The following IL20RB variants were observed in gnomAD, a reference collection of about 807,000 sequenced individuals.
IL20RB encodes the protein interleukin 20 receptor subunit beta.
A neutral mutation model predicts 33.3 loss-of-function variants in IL20RB; 21 were observed. The ratio of observed to expected loss-of-function variants is 0.63; its 90% CI spans 0.45 to 0.91. The LOEUF (loss-of-function observed/expected upper bound fraction) is 0.91, where lower values mean the gene tolerates loss of function less well. Ranked by LOEUF, IL20RB falls within the 40% of genes least tolerant of loss-of-function variation. IL20RB has a pLI of 0.00. For synonymous variants in IL20RB, 147 were observed against 146.8 expected, an observed-to-expected ratio of 1.00 and a Z score of -0.01; for missense variants, 345 against 384.8, an observed-to-expected ratio of 0.90 and a Z score of 0.86.
intron 6 of IL20RB, 33 bp downstream of exon 6, chr3:136,995,589 A>G (rs979283817): frequency 1.2e-6 from 2 of 1,608,710 alleles, no homozygotes; most frequent in East Asian, 2.2e-5. Flanking sequence ...CTTTCAGTAT[A>G]ACACTGACCA....
intron 1 of IL20RB, among the ~76,000 whole-genome samples, chr3:136,978,310 T>C (rs1941679253): frequency 6.6e-6 from 1 of 151,048 alleles, no homozygotes. Flanking sequence ...GGATTACAGG[T>C]GAGTGCCACC....
intron 1 of IL20RB, among the ~76,000 whole-genome samples, chr3:136,970,171 C>T (rs947034333): frequency 2.6e-5 from 4 of 151,870 alleles, no homozygotes; most frequent in Admixed American, 6.6e-5. Flanking sequence ...CAGCTCACTG[C>T]GGTCTCAACC....
chr3:137,004,549 G>C (rs2107722801), intron 6 of IL20RB, among the ~76,000 whole-genome samples: 1 of 152,278 alleles, frequency 6.6e-6, no homozygotes, highest in Non-Finnish European at 1.5e-5. Flanking sequence ...TAGTTTATTT[G>C]CGTAGAGGTG....
At chr3:136,961,267 G>C (rs900174100) in intron 1 of IL20RB, among the ~76,000 whole-genome samples, 1 of 152,156 alleles carries the variant, frequency 6.6e-6, no homozygotes, top group Admixed American at 6.5e-5. Context: ...GGGAGCCTAA[G>C]AGCCTGCTGG....
At chr3:137,004,178 G>A (rs890359917) in intron 6 of IL20RB, among the ~76,000 whole-genome samples, 2 of 152,136 alleles carry the variant, frequency 1.3e-5, no homozygotes, top group Non-Finnish European at 1.5e-5. Flanking sequence ...ATTTTATTGA[G>A]AATTTTTGCA....
rs1933090110 is a variant in IL20RB, at chr3:137,011,049, A to T, written c.*826A>T. 1 of 152,082 alleles carries T rather than the reference A, an allele frequency of 6.6e-6. No homozygotes were observed. Among genetic ancestry groups the T allele is most frequent in the Admixed American group, 6.5e-5 (1 of 15,272 alleles). The allele number at this position is 152,082 out of a possible 1,614,324, so 9.4% of individuals were successfully genotyped here. ...GTTGGTAAAGTACAGAATTCAGCAA[A>T]TAAAAAGGGCCACCCTGGCCAAAAG... On this transcript the variant is annotated 3_prime_UTR_variant, in exon 7 of 7. Coordinates refer to ENST00000329582, the MANE Select transcript of IL20RB (RefSeq NM_144717.4).
intron 4 of IL20RB, among the ~76,000 whole-genome samples, chr3:136,990,904 G>A (rs1942018958): frequency 6.6e-6 from 1 of 152,242 alleles, no homozygotes; most frequent in South Asian, 2.1e-4. Flanking sequence ...GTTGGGGACA[G>A]GGCAGAGCCT....
chr3:136,991,856 C>T lies in IL20RB; in HGVS notation c.532-82C>T, dbSNP rs186589749. 3.0e-5 allele frequency: 44 copies of T among 1,468,118 alleles called. No homozygotes were observed. In the East Asian group the frequency reaches 3.5e-4, roughly 12 times the overall value. The allele number at this position is 1,468,118 out of a possible 1,614,324, so 90.9% of individuals were successfully genotyped here. ...AACTCCTGACCTCAGGTGATCCGCC[C>T]GCCTCAGGCTCCCAAAGTGCTGGGA... On this transcript the variant is annotated intron_variant, in intron 4 of 6. Coordinates refer to ENST00000329582, the MANE Select transcript of IL20RB (RefSeq NM_144717.4).
intron 1 of IL20RB, among the ~76,000 whole-genome samples, chr3:136,979,283 A>C (rs1941709323): frequency 6.6e-6 from 1 of 152,194 alleles, no homozygotes; most frequent in African/African-American, 2.4e-5. Flanking sequence ...CATTAGAGAA[A>C]GGGCAGGGAA....
chr3:136,987,137 A>T (rs1048111638), intron 3 of IL20RB, among the ~76,000 whole-genome samples: 1 of 152,084 alleles, frequency 6.6e-6, no homozygotes, highest in African/African-American at 2.4e-5. Flanking sequence ...GCGGGTTGCC[A>T]CTGCTGGCTC....
intron 5 of IL20RB, among the ~76,000 whole-genome samples, chr3:136,993,231 C>T (rs1439756222): frequency 6.6e-6 from 1 of 152,142 alleles, no homozygotes; most frequent in African/African-American, 2.4e-5. Context: ...GAGTGTGCCC[C>T]ATTCTCCTGC....
chr3:137,005,807 A>G (rs1294839777), intron 6 of IL20RB, among the ~76,000 whole-genome samples: 1 of 152,164 alleles, frequency 6.6e-6, no homozygotes, highest in Non-Finnish European at 1.5e-5. Flanking sequence ...TCCTGTCATT[A>G]TGATGTTAAC....
chr3:137,002,085 C>A (rs1942255279), intron 6 of IL20RB, among the ~76,000 whole-genome samples: 1 of 152,080 alleles, frequency 6.6e-6, no homozygotes, highest in Admixed American at 6.6e-5. Context: ...TCATCCATGT[C>A]CCTGCAAAGG....
intron 6 of IL20RB, among the ~76,000 whole-genome samples, chr3:137,005,196 A>C (rs1027911898): frequency 6.6e-6 from 1 of 152,162 alleles, no homozygotes; most frequent in Non-Finnish European, 1.5e-5. Flanking sequence ...TATGTGGTCA[A>C]TTTTAGAATA....
chr3:136,961,178 C>T (rs1028051003), intron 1 of IL20RB, among the ~76,000 whole-genome samples: 1 of 152,212 alleles, frequency 6.6e-6, no homozygotes, highest in African/African-American at 2.4e-5. Context: ...ACTTGTTTAA[C>T]TTTCATTCTT....
intron 3 of IL20RB, among the ~76,000 whole-genome samples, chr3:136,988,259 A>G (rs1941957847): frequency 6.6e-6 from 1 of 152,186 alleles, no homozygotes; most frequent in African/African-American, 2.4e-5. Context: ...CTGGGTCTGA[A>G]AGGCAAGTAT....
At chr3:137,006,115 A>G (rs527750533) in intron 6 of IL20RB, among the ~76,000 whole-genome samples, 1 of 152,278 alleles carries the variant, frequency 6.6e-6, no homozygotes, top group South Asian at 2.1e-4. Flanking sequence ...CGGCTTGTAG[A>G]ATTTCTGCCA....
chr3:136,971,771 A>G (rs1019863216), intron 1 of IL20RB, among the ~76,000 whole-genome samples: 3 of 152,136 alleles, frequency 2.0e-5, no homozygotes, highest in Non-Finnish European at 4.4e-5. Context: ...TATCTTTGCT[A>G]TTGTGAGTAA....
chr3:136,972,280 GTCTCTT>G (rs1941505343), intron 1 of IL20RB, among the ~76,000 whole-genome samples: 1 of 152,180 alleles, frequency 6.6e-6, no homozygotes, highest in East Asian at 1.9e-4. Context: ...TCAACGGATT[GTCTCTT>G]CACTCAGCTG....
Sources: allele counts gnomAD v4.1 joint callset (sites outside exome capture counted in the v4.1 genomes callset), GRCh38; gene constraint gnomAD v4.1.1; transcripts MANE v1.5; gene names NCBI Gene and HGNC (gene_info 2026-07-23, HGNC 2026-07-21).